ARHGEF38: variants seen among roughly 807,000 people sequenced by gnomAD.
ARHGEF38 encodes the protein Rho guanine nucleotide exchange factor 38, also known as Rho guanine nucleotide exchange factor (GEF) 38.
ARHGEF38 carries 79 observed loss-of-function variants against 79.9 expected under a neutral mutation model. The observed-to-expected ratio is 0.99, with a 90% CI of 0.82 to 1.19. The LOEUF is 1.19. Ranked by LOEUF, ARHGEF38 falls within the 50% of genes most tolerant of loss-of-function variation. ARHGEF38 has a pLI of 0.00. For missense variants in ARHGEF38, 962 were observed against 907.2 expected (o/e 1.06, Z -0.78); for synonymous variants, 366 against 328.3 (o/e 1.11, Z -1.24).
intron 2 of ARHGEF38, among the ~76,000 whole-genome samples, chr4:105,596,809 C>T (rs1727601306): frequency 6.6e-6 from 1 of 152,216 alleles, no homozygotes; most frequent in South Asian, 2.1e-4. Flanking sequence ...TTGGGCATCC[C>T]TGGTGACCGT....
In ARHGEF38 at chr4:105,659,233, C is replaced by G; in HGVS notation, c.1413C>G (p.Ala471=). 6.5e-7 allele frequency: 1 copy of G among 1,536,120 alleles called. No homozygotes were observed. Among genetic ancestry groups the G allele is most frequent in the Non-Finnish European group, 8.7e-7 (1 of 1,146,862 alleles). The change falls in exon 10 of 14, where the codon GCC becomes GCG. Residue 471 remains alanine, a synonymous_variant. Coordinates refer to ENST00000420470, the MANE Select transcript of ARHGEF38 (RefSeq NM_001242729.2). ...LAKKEYEALN[A]QLVEELQAFN... ...AAAAGGAGTATGAGGCCCTCAACGC[C>G]CAGCTTGTGGAGGAGCTCCAGGCAT...
Position 105,666,178 on chromosome 4 carries a change from T to A in ARHGEF38, c.1547T>A (p.Met516Lys). 6.6e-7 allele frequency: 1 copy of A among 1,518,896 alleles called. No individual in the cohort carries two copies. The highest frequency in any genetic ancestry group is 1.3e-5 in the South Asian group (1 of 79,512). 94.1% of individuals were successfully genotyped at this position (1,518,896 alleles called of 1,614,324 possible). A position where few individuals can be genotyped will look rare whatever the true frequency, so the allele number is the denominator to read the frequency against. ...ATGCCATATTATTTCTACCTATAGA[T>A]GCCACTGTTGGTTTCAAGCATTTCT... ...AQQAYSTLVP[M>K]PLLVSSISEI... is the part of the protein sequence containing the mutation. Residue 516 changes from methionine to lysine, a missense_variant and splice_region_variant, in exon 11 of 14, where the codon ATG becomes AAG. By Grantham distance (95) the Met-to-Lys change is moderately conservative. Transcript: ENST00000420470.
At chr4:105,675,996 G>T (rs751539339) in intron 13 of ARHGEF38, among the ~76,000 whole-genome samples, 1 of 152,172 alleles carries the variant, frequency 6.6e-6, no homozygotes, top group African/African-American at 2.4e-5. Flanking sequence ...TAGCAATGTG[G>T]TTCTTTCCTT....
At chr4:105,663,905 G>A (rs1173817770) in intron 10 of ARHGEF38, among the ~76,000 whole-genome samples, 4 of 151,740 alleles carry the variant, frequency 2.6e-5, no homozygotes, top group Non-Finnish European at 5.9e-5. Flanking sequence ...GGGAGGCGGA[G>A]GTTGCAGTGA....
At chr4:105,586,135 A>C (rs1204267906) in intron 1 of ARHGEF38, among the ~76,000 whole-genome samples, 1 of 151,978 alleles carries the variant, frequency 6.6e-6, no homozygotes, top group Non-Finnish European at 1.5e-5. Context: ...TTTATATATA[A>C]AAGCTAAGTA....
intron 5 of ARHGEF38, among the ~76,000 whole-genome samples, chr4:105,638,646 C>T (rs1467509079): frequency 6.6e-6 from 1 of 151,990 alleles, no homozygotes. Flanking sequence ...TGCAGTGAGT[C>T]CCTCACTTCA....
At chr4:105,643,140 T>TTTTTCAGTATAAATACTGAAAACAG (rs1199113691) in intron 5 of ARHGEF38, among the ~76,000 whole-genome samples, 10 of 151,820 alleles carry the variant, frequency 6.6e-5, no homozygotes, top group South Asian at 6.2e-4. Flanking sequence ...TTAGTTTTTT[T>TTTTTCAGTATAAATACTGAAAACAG]TTTTCAGTAT....
intron 1 of ARHGEF38, among the ~76,000 whole-genome samples, chr4:105,569,099 A>G (rs944150030): frequency 6.6e-5 from 10 of 152,214 alleles, no homozygotes; most frequent in Admixed American, 2.6e-4. Context: ...AGAATTTTAC[A>G]AGTAATAATA....
At chr4:105,675,649 T>C (rs1012027239) in intron 13 of ARHGEF38, among the ~76,000 whole-genome samples, 6 of 152,216 alleles carry the variant, frequency 3.9e-5, no homozygotes, top group African/African-American at 1.2e-4. Context: ...TTAGTGCATT[T>C]GGGCTGCTGT....
At chr4:105,648,467 A>C in intron 6 of ARHGEF38, 82 bp from the exon 7 acceptor site, 2 of 1,234,324 alleles carry the variant, frequency 1.6e-6, no homozygotes, top group Non-Finnish European at 2.1e-6. Context: ...GAATATAAAT[A>C]CTCGTCTTGA....
At chr4:105,574,275 C>T (rs1046393016) in intron 1 of ARHGEF38, among the ~76,000 whole-genome samples, 31 of 152,206 alleles carry the variant, frequency 2.0e-4, no homozygotes, top group Non-Finnish European at 3.4e-4. Context: ...AGACCGGGTG[C>T]GGTGGCTCAC....
intron 1 of ARHGEF38, among the ~76,000 whole-genome samples, chr4:105,556,540 A>G (rs1725260671): frequency 6.6e-6 from 1 of 152,080 alleles, no homozygotes; most frequent in Non-Finnish European, 1.5e-5. Context: ...AGAGAATGGC[A>G]TTTTAACCTC....
At chr4:105,574,832 G>A (rs757885373) in intron 1 of ARHGEF38, among the ~76,000 whole-genome samples, 20 of 151,768 alleles carry the variant, frequency 1.3e-4, no homozygotes, top group East Asian at 1.2e-3. Flanking sequence ...CCTGAATAAC[G>A]TATGTTGTAT....
At chr4:105,593,395 A>G (rs1727429456) in intron 2 of ARHGEF38, among the ~76,000 whole-genome samples, 1 of 151,716 alleles carries the variant, frequency 6.6e-6, no homozygotes, top group South Asian at 2.1e-4. Flanking sequence ...AAAAACAGCC[A>G]AGTGTAGTGG....
chr4:105,609,976 G>A (rs1287504350), intron 2 of ARHGEF38, among the ~76,000 whole-genome samples: 1 of 152,090 alleles, frequency 6.6e-6, no homozygotes, highest in Non-Finnish European at 1.5e-5. Flanking sequence ...ATCCATGATA[G>A]ACCGGATAAA....
chr4:105,556,159 C>T lies in ARHGEF38; in HGVS notation c.196+3198C>T, dbSNP rs941760955. 1.3e-5 allele frequency among the ~76,000 whole-genome samples: 2 copies of T among 152,220 alleles called. 1 individual carries two copies. The highest frequency in any genetic ancestry group is 1.3e-4 in the Admixed American group (2 of 15,274). ...TTTGAAATTAATTTTTCTCAAGGCC[C>T]TTGATACATTGGAAAGAATACAAAT... On this transcript the variant is annotated intron_variant, in intron 1 of 13. Coordinates refer to ENST00000420470, the MANE Select transcript of ARHGEF38 (RefSeq NM_001242729.2).
At chr4:105,624,397 GT>G (rs1728860649) in intron 3 of ARHGEF38, among the ~76,000 whole-genome samples, 1 of 152,098 alleles carries the variant, frequency 6.6e-6, no homozygotes. Context: ...GGAAACCAGA[GT>G]TTTTTTCTTC....
At chr4:105,585,309 A>C (rs181688632) in intron 1 of ARHGEF38, among the ~76,000 whole-genome samples, 1 of 152,308 alleles carries the variant, frequency 6.6e-6, no homozygotes, top group East Asian at 1.9e-4. Context: ...AGGTAAGGAA[A>C]CCAAGGCTCT....
intron 5 of ARHGEF38, among the ~76,000 whole-genome samples, chr4:105,637,509 G>A (rs1018827953): frequency 6.6e-6 from 1 of 152,050 alleles, no homozygotes; most frequent in African/African-American, 2.4e-5. Context: ...AGGCTCATTT[G>A]AATTCAAAGA....
Sources: allele counts gnomAD v4.1 joint callset (sites outside exome capture counted in the v4.1 genomes callset), GRCh38; gene constraint gnomAD v4.1.1; transcripts MANE v1.5; gene names NCBI Gene and HGNC (gene_info 2026-07-23, HGNC 2026-07-21).